The following TESK2 variants were observed in gnomAD, a reference collection of about 807,000 sequenced individuals.
TESK2 encodes dual specificity testis-specific protein kinase 2.
TESK2 carries 39 observed loss-of-function variants against 57.1 expected under a neutral mutation model. The ratio of observed to expected loss-of-function variants is 0.68; its 90% CI spans 0.53 to 0.89. The LOEUF (loss-of-function observed/expected upper bound fraction) is 0.89, where lower values mean the gene tolerates loss of function less well. Among genes scored for constraint, TESK2 ranks in the 40% least tolerant of loss-of-function variants. The pLI, the probability that TESK2 is intolerant of heterozygous loss-of-function variation, is 0.00. For synonymous variants in TESK2, 249 were observed against 267.9 expected (o/e 0.93, Z 0.69); for missense variants, 646 against 732.1 (o/e 0.88, Z 1.36).
chr1:45,391,216 C>CTTT (rs1191605172), intron 3 of TESK2, among the ~76,000 whole-genome samples: 36 of 118,746 alleles, frequency 3.0e-4, no homozygotes, highest in African/African-American at 1.0e-3. Context: ...GCGCCCAGCC[C>CTTT]TTTTTTTTTT....
intron 2 of TESK2, among the ~76,000 whole-genome samples, chr1:45,450,869 T>C (rs1426588083): frequency 2.6e-5 from 4 of 152,166 alleles, no homozygotes; most frequent in African/African-American, 9.7e-5. Flanking sequence ...GTTGGTGTGC[T>C]GTTGCCTAGG....
chr1:45,428,357 T>C (rs939389134), intron 2 of TESK2, among the ~76,000 whole-genome samples: 10 of 152,034 alleles, frequency 6.6e-5, no homozygotes, highest in African/African-American at 2.4e-4. Flanking sequence ...GACCAACTGA[T>C]TCAAGAAAAA....
rs72892521 is a variant in TESK2 at position 45,394,064 on chromosome 1, A to T, written c.345-8104T>A. Among the ~76,000 whole-genome samples the T allele has an allele frequency of 8.3e-3, 1,265 of 152,158 alleles. 18 individuals carry two copies. The highest frequency in any genetic ancestry group is 0.029 in the African/African-American group (1,186 of 41,496). On this transcript the variant is annotated intron_variant, in intron 3 of 10. Transcript: ENST00000372086. ...CAGGAAGGGGGTGCTTTCTTAATGC[A>T]TGTGCTTTGAGAGTAAGTGATTACT...
Position 45,457,813 on chromosome 1 carries a change from T to C in TESK2, c.-28A>G. The C allele has an allele frequency of 6.3e-7, 1 of 1,593,170 alleles. No homozygotes were observed. Among genetic ancestry groups the C allele is most frequent in the Non-Finnish European group, 8.6e-7 (1 of 1,162,162 alleles). ...TCTAAATAATCACTTTTTTCTTCTTTTAAGAAGGAACTCCACACATAAATT... is the reference window on the plus strand; with the variant it reads ...TCTAAATAATCACTTTTTTCTTCTTCTAAGAAGGAACTCCACACATAAATT... On this transcript the variant is annotated 5_prime_UTR_variant, in exon 2 of 11. It removes the in-frame stop codon of an upstream open reading frame in the 5' UTR. Transcript: ENST00000372086.
chr1:45,417,755 C>T (rs537550908), intron 3 of TESK2, among the ~76,000 whole-genome samples: 1 of 152,066 alleles, frequency 6.6e-6, no homozygotes, highest in Non-Finnish European at 1.5e-5. Context: ...CCACACCTGG[C>T]TAATTTTTTA....
intron 8 of TESK2, 68 bp from the exon 9 acceptor site, chr1:45,346,847 G>T: frequency 6.4e-7 from 1 of 1,552,466 alleles, no homozygotes; most frequent in Non-Finnish European, 8.9e-7. Context: ...AGCCTGCTCA[G>T]TAGAAGTGGT....
chr1:45,421,933 A>G, intron 2 of TESK2, 87 bp from the exon 3 acceptor site: 1 of 1,449,934 alleles, frequency 6.9e-7, no homozygotes, highest in African/African-American at 1.4e-5. Flanking sequence ...ATATGCCAAG[A>G]TATTTTTGTG....
chr1:45,450,532 A>G (rs1293189533), intron 2 of TESK2, among the ~76,000 whole-genome samples: 1 of 150,280 alleles, frequency 6.7e-6, no homozygotes, highest in Non-Finnish European at 1.5e-5. Flanking sequence ...TGCTGCATCA[A>G]GTCCATAAAG....
At chr1:45,403,015 A>AG in intron 3 of TESK2, among the ~76,000 whole-genome samples, 1 of 151,866 alleles carries the variant, frequency 6.6e-6, no homozygotes, top group East Asian at 1.9e-4. Context: ...CAGGTACAGC[A>AG]GCTCACACCT....
intron 2 of TESK2, among the ~76,000 whole-genome samples, chr1:45,440,776 G>A (rs757896374): frequency 2.6e-5 from 4 of 151,968 alleles, no homozygotes; most frequent in Non-Finnish European, 5.9e-5. Context: ...CACTGCAGGT[G>A]ACAGAGTGAG....
At chr1:45,356,128 G>A (rs1224439946) in intron 4 of TESK2, among the ~76,000 whole-genome samples, 3 of 152,004 alleles carry the variant, frequency 2.0e-5, no homozygotes, top group Admixed American at 1.3e-4. Context: ...ATCCTGGTGA[G>A]AGCAGGGCAT....
intron 3 of TESK2, among the ~76,000 whole-genome samples, chr1:45,405,322 T>C (rs1649795023): frequency 6.6e-6 from 1 of 152,118 alleles, no homozygotes; most frequent in South Asian, 2.1e-4. Context: ...TACTGGCAAT[T>C]CAATTCTTCC....
At chr1:45,398,796 G>A (rs1221043185) in intron 3 of TESK2, 1 of 340,488 alleles carries the variant, frequency 2.9e-6, no homozygotes, top group Non-Finnish European at 5.7e-6. Context: ...TCTGGCCAGT[G>A]GTATATGGGC....
At chr1:45,450,804 T>G (rs1651841694) in intron 2 of TESK2, among the ~76,000 whole-genome samples, 1 of 152,110 alleles carries the variant, frequency 6.6e-6, no homozygotes, top group South Asian at 2.1e-4. Flanking sequence ...TACTTTAAGT[T>G]TTAGGGTACA....
intron 1 of TESK2, among the ~76,000 whole-genome samples, chr1:45,458,247 A>G (rs1652191661): frequency 6.6e-6 from 1 of 152,220 alleles, no homozygotes; most frequent in South Asian, 2.1e-4. Context: ...CAGAGAGATC[A>G]AGAAATCAGT....
chr1:45,376,364 C>T (rs1460451802), intron 4 of TESK2, among the ~76,000 whole-genome samples: 3 of 150,236 alleles, frequency 2.0e-5, no homozygotes, highest in Non-Finnish European at 4.4e-5. Context: ...TACAGGCCCC[C>T]GCCACCACGT....
At chr1:45,485,741 G>A (rs529101964) in intron 1 of TESK2, among the ~76,000 whole-genome samples, 3 of 145,212 alleles carry the variant, frequency 2.1e-5, no homozygotes, top group African/African-American at 7.6e-5. Flanking sequence ...GGCTGGTCTC[G>A]AACTCCTGAC....
rs543084831 is a variant in TESK2 at position 45,369,274 on chromosome 1, G to A, written c.394-13825C>T. 4.1e-4 allele frequency among the ~76,000 whole-genome samples: 63 copies of A among 151,998 alleles called. 1 individual carries two copies. The highest frequency in any genetic ancestry group is 8.5e-4 in the Non-Finnish European group (58 of 68,002). ...TCAGCACTTTGGGAGGCCAAGGCAG[G>A]TGGATCACGAGGTCAAGAGTTCAAG... On this transcript the variant is annotated intron_variant, in intron 4 of 10. Coordinates refer to ENST00000372086, the MANE Select transcript of TESK2 (RefSeq NM_007170.3).
chr1:45,449,135 T>C (rs967345343), intron 2 of TESK2, among the ~76,000 whole-genome samples: 21 of 151,332 alleles, frequency 1.4e-4, no homozygotes, highest in African/African-American at 4.9e-4. Flanking sequence ...AGGGAGGGTA[T>C]TGCTTGAACC....
Sources: gnomAD v4.1 joint callset for allele counts (sites outside exome capture counted in the v4.1 genomes callset) on GRCh38, gnomAD v4.1.1 for gene constraint, MANE v1.5 for transcripts, NCBI Gene and HGNC (gene_info 2026-07-23, HGNC 2026-07-21) for gene names.